The following JARID2 variants were observed in gnomAD, a reference collection of about 807,000 sequenced individuals.
The protein encoded by JARID2 is jumonji and AT-rich interaction domain containing 2.
A neutral mutation model predicts 125.6 loss-of-function variants in JARID2; 21 were observed. That is an observed-to-expected ratio of 0.17 (90% CI 0.12 to 0.24). The LOEUF (loss-of-function observed/expected upper bound fraction) is 0.24, where lower values mean the gene tolerates loss of function less well. Among genes scored for constraint, JARID2 ranks in the 10% least tolerant of loss-of-function variants. JARID2 has a pLI of 1.00. For missense variants in JARID2, 1,303 were observed against 1,639.6 expected, an observed-to-expected ratio of 0.79 and a Z score of 3.55; for synonymous variants, 736 against 661.6, an observed-to-expected ratio of 1.11 and a Z score of -1.73.
chr6:15,254,785 A>G (rs1228836586), intron 1 of JARID2, among the ~76,000 whole-genome samples: 3 of 152,120 alleles, frequency 2.0e-5, no homozygotes, highest in Admixed American at 2.0e-4. Flanking sequence ...CATGCCCGTA[A>G]TCCCAGCACT....
intron 3 of JARID2, among the ~76,000 whole-genome samples, chr6:15,442,396 G>GTGAA (rs1355605469): frequency 1.1e-4 from 17 of 152,288 alleles, no homozygotes; most frequent in Non-Finnish European, 2.4e-4. Flanking sequence ...AACTACAACA[G>GTGAA]CCTATTAGAA....
intron 1 of JARID2, among the ~76,000 whole-genome samples, chr6:15,267,970 G>A (rs753814521): frequency 1.1e-4 from 17 of 152,096 alleles, no homozygotes; most frequent in Non-Finnish European, 2.1e-4. Flanking sequence ...TAACTGCGGC[G>A]GGGATCGGTT....
intron 1 of JARID2, among the ~76,000 whole-genome samples, chr6:15,282,303 A>G (rs1213518271): frequency 6.6e-6 from 1 of 152,086 alleles, no homozygotes; most frequent in African/African-American, 2.4e-5. Context: ...CAATCTACAC[A>G]CCCACTAACA....
chr6:15,451,389 A>T (rs1400384325), intron 3 of JARID2, among the ~76,000 whole-genome samples: 9 of 152,160 alleles, frequency 5.9e-5, no homozygotes, highest in Admixed American at 6.5e-5. Flanking sequence ...GCAGAGGGTA[A>T]CCCAGAATTT....
chr6:15,274,640 G>A (rs752093278), intron 1 of JARID2, among the ~76,000 whole-genome samples: 7 of 152,082 alleles, frequency 4.6e-5, no homozygotes, highest in Non-Finnish European at 1.5e-5. Context: ...TTCAGACCTC[G>A]ACTTTTTGTG....
intron 4 of JARID2, among the ~76,000 whole-genome samples, chr6:15,464,880 G>A (rs1768635906): frequency 6.6e-6 from 1 of 151,986 alleles, no homozygotes; most frequent in South Asian, 2.1e-4. Context: ...TTTTTCCTGT[G>A]TCCCCATATG....
intron 2 of JARID2, among the ~76,000 whole-genome samples, chr6:15,408,577 C>T (rs1308916647): frequency 6.6e-6 from 1 of 152,164 alleles, no homozygotes; most frequent in African/African-American, 2.4e-5. Context: ...TTAGTTTCTG[C>T]AGTCACACTC....
intron 3 of JARID2, among the ~76,000 whole-genome samples, chr6:15,415,449 A>AC (rs1766109677): frequency 3.6e-5 from 3 of 82,746 alleles, no homozygotes; most frequent in African/African-American, 9.7e-5. Context: ...GGGGGCTGAC[A>AC]CCCCCACCTC....
chr6:15,261,275 C>CTATGAA (rs1759861789), intron 1 of JARID2, among the ~76,000 whole-genome samples: 2 of 149,172 alleles, frequency 1.3e-5, no homozygotes, highest in Non-Finnish European at 3.0e-5. Flanking sequence ...TATATACGGT[C>CTATGAA]TATGAAGGCC....
intron 1 of JARID2, among the ~76,000 whole-genome samples, chr6:15,303,544 A>T (rs1172429874): frequency 6.6e-6 from 1 of 152,230 alleles, no homozygotes; most frequent in African/African-American, 2.4e-5. Context: ...TTTTGTTCAT[A>T]GGCTTTCTAT....
chr6:15,255,850 A>G (rs951643337), intron 1 of JARID2, among the ~76,000 whole-genome samples: 1 of 152,176 alleles, frequency 6.6e-6, no homozygotes, highest in Non-Finnish European at 1.5e-5. Flanking sequence ...TACTGCTACT[A>G]AATGGACCTA....
chr6:15,495,766 A>C (rs1379697484), intron 6 of JARID2, among the ~76,000 whole-genome samples: 1 of 152,204 alleles, frequency 6.6e-6, no homozygotes, highest in Non-Finnish European at 1.5e-5. Flanking sequence ...TGAGAAGCTC[A>C]GGACAGGTGA....
At chr6:15,515,151 C>A (rs995649091) in intron 16 of JARID2, among the ~76,000 whole-genome samples, 1 of 152,036 alleles carries the variant, frequency 6.6e-6, no homozygotes, top group Admixed American at 6.6e-5. Flanking sequence ...GTCATCCTCC[C>A]ACCTCAGCCT....
At chr6:15,468,082 A>T (rs550443757) in intron 4 of JARID2, among the ~76,000 whole-genome samples, 1 of 152,256 alleles carries the variant, frequency 6.6e-6, no homozygotes, top group Non-Finnish European at 1.5e-5. Context: ...CATATCCACC[A>T]TAAGGAATGA....
intron 3 of JARID2, among the ~76,000 whole-genome samples, chr6:15,419,150 G>C (rs1766371875): frequency 6.6e-6 from 1 of 152,064 alleles, no homozygotes; most frequent in Admixed American, 6.5e-5. Context: ...TCAGCAAAAG[G>C]CTTAACATTT....
intron 3 of JARID2, among the ~76,000 whole-genome samples, chr6:15,447,062 T>C (rs902911913): frequency 6.6e-6 from 1 of 152,210 alleles, no homozygotes; most frequent in Non-Finnish European, 1.5e-5. Context: ...CAGCAGCTCG[T>C]ATCCGTCTTC....
rs78959488 is a variant in JARID2 at position 15,342,402 on chromosome 6, T to C, written c.46-31715T>C. Among the ~76,000 whole-genome samples the C allele has an allele frequency of 6.3e-4, 96 of 152,338 alleles. 1 individual carries two copies. The East Asian group carries it at 0.018, about 28-fold the overall frequency. ...CTGGGGCAGAGCAGACACTAAATAC[T>C]GTCCAACTAGGGTGGTTGGATGCTC... On this transcript the variant is annotated intron_variant, in intron 1 of 17. Coordinates refer to ENST00000341776, the MANE Select transcript of JARID2 (RefSeq NM_004973.4).
chr6:15,276,702 T>C (rs899886400), intron 1 of JARID2, among the ~76,000 whole-genome samples: 1 of 152,180 alleles, frequency 6.6e-6, no homozygotes, highest in South Asian at 2.1e-4. Flanking sequence ...CTTTTTGTTA[T>C]GGAAATAACA....
At chr6:15,259,437 G>C (rs1759789139) in intron 1 of JARID2, among the ~76,000 whole-genome samples, 1 of 152,188 alleles carries the variant, frequency 6.6e-6, no homozygotes, top group South Asian at 2.1e-4. Flanking sequence ...CATCTGCCTT[G>C]AAGGGCTTGG....
Sources: gnomAD v4.1 joint callset for allele counts (sites outside exome capture counted in the v4.1 genomes callset) on GRCh38, gnomAD v4.1.1 for gene constraint, MANE v1.5 for transcripts, NCBI Gene and HGNC (gene_info 2026-07-23, HGNC 2026-07-21) for gene names.